LIMS1: variants seen among roughly 807,000 people sequenced by gnomAD.
The protein encoded by LIMS1 is LIM zinc finger domain containing 1, also known as LIM and senescent cell antigen-like-containing domain protein 1.
A neutral mutation model predicts 44.1 loss-of-function variants in LIMS1; 18 were observed. The ratio of observed to expected loss-of-function variants is 0.41; its 90% confidence interval spans 0.28 to 0.61. The LOEUF (loss-of-function observed/expected upper bound fraction) is 0.61, where lower values mean the gene tolerates loss of function less well. Ranked by LOEUF, LIMS1 falls within the 20% of genes least tolerant of loss-of-function variation. LIMS1 has a pLI of 0.32. For synonymous variants in LIMS1, 93 were observed against 149.1 expected (o/e 0.62, Z 2.74); for missense variants, 201 against 422.0 (o/e 0.48, Z 4.59).
chr2:108,566,017 A>G (rs1276568269), intron 1 of LIMS1, among the ~76,000 whole-genome samples: 1 of 152,194 alleles, frequency 6.6e-6, no homozygotes, highest in African/African-American at 2.4e-5. Flanking sequence ...ACAAACATTC[A>G]CACCATAGCA....
chr2:108,627,077 G>GCCTACAGTATTCAATACAGTCC (rs1688618498), intron 1 of LIMS1, among the ~76,000 whole-genome samples: 2 of 152,228 alleles, frequency 1.3e-5, no homozygotes, highest in African/African-American at 4.8e-5. Flanking sequence ...TGTTACAGTT[G>GCCTACAGTATTCAATACAGTCC]CCTACAGTAT....
At chr2:108,582,230 A>G (rs1227501642) in intron 1 of LIMS1, among the ~76,000 whole-genome samples, 1 of 152,090 alleles carries the variant, frequency 6.6e-6, no homozygotes, top group African/African-American at 2.4e-5. Context: ...CAGATCTGAA[A>G]CTGTTCCCTA....
At chr2:108,559,582 A>C (rs942674527) in intron 1 of LIMS1, among the ~76,000 whole-genome samples, 2 of 152,198 alleles carry the variant, frequency 1.3e-5, no homozygotes, top group Middle Eastern at 3.2e-3. Flanking sequence ...ATAAAAATCT[A>C]ATCTCTTTAT....
At chr2:108,610,596 C>T (rs1031468503) in intron 1 of LIMS1, among the ~76,000 whole-genome samples, 4 of 152,092 alleles carry the variant, frequency 2.6e-5, no homozygotes, top group African/African-American at 7.2e-5. Context: ...ATCTAACAAA[C>T]GAGTGATAAT....
intron 1 of LIMS1, chr2:108,655,012 GT>G: frequency 6.2e-7 from 1 of 1,609,928 alleles, no homozygotes; most frequent in East Asian, 2.2e-5. Flanking sequence ...CCTGGATATT[GT>G]TTCTCCTGGC....
At chr2:108,540,665 A>G (rs1473031401) in intron 1 of LIMS1, among the ~76,000 whole-genome samples, 2 of 152,214 alleles carry the variant, frequency 1.3e-5, no homozygotes, top group African/African-American at 2.4e-5. Context: ...GTTGGAACCT[A>G]CTGAACTCAT....
chr2:108,629,618 A>G (rs1322245551), intron 1 of LIMS1, among the ~76,000 whole-genome samples: 3 of 152,204 alleles, frequency 2.0e-5, no homozygotes, highest in African/African-American at 7.2e-5. Context: ...CTTGTTTAGT[A>G]CGTGAGGAAG....
chr2:108,663,984 C>T (rs1451274377), intron 2 of LIMS1, among the ~76,000 whole-genome samples: 2 of 152,102 alleles, frequency 1.3e-5, no homozygotes, highest in Admixed American at 6.5e-5. Flanking sequence ...AAACTCCCGA[C>T]CTCAGGTGAT....
chr2:108,604,386 CA>C (rs1441250755), intron 1 of LIMS1, among the ~76,000 whole-genome samples: 1 of 152,188 alleles, frequency 6.6e-6, no homozygotes, highest in East Asian at 1.9e-4. Context: ...CTAGTCACCA[CA>C]AAGACTTTAT....
chr2:108,656,350 G>C (rs1036079699), intron 1 of LIMS1, among the ~76,000 whole-genome samples: 2 of 150,860 alleles, frequency 1.3e-5, no homozygotes, highest in African/African-American at 4.9e-5. Context: ...TAGATAGATA[G>C]ATACTCCCCC....
intron 1 of LIMS1, among the ~76,000 whole-genome samples, chr2:108,558,622 T>C (rs1007395560): frequency 6.6e-6 from 1 of 152,056 alleles, no homozygotes; most frequent in Non-Finnish European, 1.5e-5. Context: ...CAAATATCCT[T>C]TTACATCAAC....
At chr2:108,581,643 G>A (rs1685889892) in intron 1 of LIMS1, among the ~76,000 whole-genome samples, 1 of 152,064 alleles carries the variant, frequency 6.6e-6, no homozygotes, top group African/African-American at 2.4e-5. Context: ...ATGTTTAGAA[G>A]AGGCTTGCTA....
exon 10 of LIMS1, chr2:108,684,440 CA>C (rs1280302690): frequency 6.6e-6 from 1 of 151,966 alleles, no homozygotes; most frequent in African/African-American, 2.4e-5. Context: ...CCAAGAAAAA[CA>C]AAAACAAGAA....
chr2:108,686,093 G>C (rs1385835369), exon 10 of LIMS1: 1 of 152,146 alleles, frequency 6.6e-6, no homozygotes, highest in Non-Finnish European at 1.5e-5. Context: ...TTGGGAGGTC[G>C]AGGCAGGTGG....
chr2:108,609,769 T>C (rs962708923), intron 1 of LIMS1, among the ~76,000 whole-genome samples: 2 of 152,194 alleles, frequency 1.3e-5, no homozygotes, highest in African/African-American at 2.4e-5. Flanking sequence ...TGCACACATA[T>C]ACAGCAGTGT....
intron 1 of LIMS1, among the ~76,000 whole-genome samples, chr2:108,540,180 A>G (rs1472258729): frequency 3.3e-5 from 5 of 150,252 alleles, no homozygotes; most frequent in Non-Finnish European, 5.9e-5. Flanking sequence ...AACAGGTGAT[A>G]AAGTACAGAT....
At chr2:108,617,263 A>G (rs1481908278) in intron 1 of LIMS1, among the ~76,000 whole-genome samples, 2 of 152,260 alleles carry the variant, frequency 1.3e-5, no homozygotes, top group African/African-American at 4.8e-5. Context: ...TGAAGGGGTT[A>G]ATTGCAACAG....
At chr2:108,685,862 C>T (rs1419732301) in exon 10 of LIMS1, 3 of 151,970 alleles carry the variant, frequency 2.0e-5, no homozygotes, top group Non-Finnish European at 4.4e-5. Flanking sequence ...TCTCATATAC[C>T]TCTACACGAG....
At position 108,584,682 on chromosome 2, in the gene LIMS1, A is replaced by C. The variant is rs534915212; in HGVS notation, c.32+50088A>C. On this transcript the variant is annotated intron_variant, in intron 1 of 9. Coordinates refer to ENST00000544547, the Ensembl canonical transcript of LIMS1. ...GAGAGTCGACTAGGAAGGTATGGAC[A>C]GGTTTTCTGAGTTGTTTGAGGATGT... Among the ~76,000 whole-genome samples, 11 of 152,180 alleles carry C rather than the reference A, an allele frequency of 7.2e-5. No individual in the cohort carries two copies. The South Asian group carries it at 2.3e-3, about 32-fold the overall frequency.
Sources: allele counts gnomAD v4.1 joint callset (sites outside exome capture counted in the v4.1 genomes callset), GRCh38; gene constraint gnomAD v4.1.1; transcripts MANE v1.5; gene names NCBI Gene and HGNC (gene_info 2026-07-23, HGNC 2026-07-21).